The following CENPM variants were observed in gnomAD, a reference collection of about 807,000 sequenced individuals.
The protein encoded by CENPM is interphase centromere complex protein 39.
CENPM carries 14 observed loss-of-function variants against 19.6 expected under a neutral mutation model. The ratio of observed to expected loss-of-function variants is 0.71; its 90% CI spans 0.47 to 1.11. The LOEUF (loss-of-function observed/expected upper bound fraction) is 1.11, where lower values mean the gene tolerates loss of function less well. CENPM is among the 50% of genes most tolerant of loss of function. The probability of loss-of-function intolerance (pLI) is 0.00; values close to 1 mark genes in which losing one functional copy is unlikely to be tolerated. For missense variants in CENPM, 239 were observed against 228.4 expected, an observed-to-expected ratio of 1.05 and a Z score of -0.30; for synonymous variants, 114 against 101.5, an observed-to-expected ratio of 1.12 and a Z score of -0.74.
the CENPM span, among the ~76,000 whole-genome samples, chr22:41,932,267 A>G: frequency 6.6e-6 from 1 of 152,166 alleles, no homozygotes. The surrounding 1 kb of genome is among the most constrained non-coding windows in gnomAD (Gnocchi z 4.3). Context: ...AAACAAGTAC[A>G]ATGCTACAGA....
chr22:41,943,770 G>T, intron 4 of CENPM, 69 bp from the exon 5 acceptor site: 2 of 1,399,772 alleles, frequency 1.4e-6, no homozygotes, highest in Non-Finnish European at 2.0e-6. Context: ...GAAGTGCTGG[G>T]CAGAGTCACT....
intron 5 of CENPM, among the ~76,000 whole-genome samples, chr22:41,940,454 T>G (rs1227977374): frequency 6.6e-6 from 1 of 152,184 alleles, no homozygotes; most frequent in Non-Finnish European, 1.5e-5. Flanking sequence ...GGCACCATCT[T>G]GGCTCACTGC....
chr22:41,941,074 G>A (rs893201145), intron 5 of CENPM, among the ~76,000 whole-genome samples: 1 of 152,186 alleles, frequency 6.6e-6, no homozygotes, highest in Non-Finnish European at 1.5e-5. Context: ...GATTCTGAGA[G>A]GGCAGGGCCA....
At chr22:41,944,224 G>C in intron 4 of CENPM, 1 of 783,390 alleles carries the variant, frequency 1.3e-6, no homozygotes, top group African/African-American at 1.9e-5. Flanking sequence ...GATACCTGAG[G>C]TCAGGAGTTC....
intron 2 of CENPM, 153 bp from the exon 3 acceptor site, chr22:41,946,158 CACAGAGGCAGG>C (rs2077799216): frequency 5.5e-6 from 4 of 722,972 alleles, no homozygotes; most frequent in Non-Finnish European, 9.6e-6. Flanking sequence ...CTTGGGCCAG[CACAGAGGCAGG>C]ACAGGTCCGG....
chr22:41,935,472 C>T (rs536724850), downstream of CENPM, among the ~76,000 whole-genome samples: 1 of 152,242 alleles, frequency 6.6e-6, no homozygotes, highest in African/African-American at 2.4e-5. Context: ...ACAGAAGGGC[C>T]AAAGACAAGG....
At chr22:41,932,198 G>C in the CENPM span, among the ~76,000 whole-genome samples, 1 of 152,198 alleles carries the variant, frequency 6.6e-6, no homozygotes, top group Admixed American at 6.5e-5. The surrounding 1 kb of genome is among the most constrained non-coding windows in gnomAD (Gnocchi z 4.3). Context: ...TCATGACAGC[G>C]CCAGGACCAC....
downstream of CENPM, among the ~76,000 whole-genome samples, chr22:41,935,280 G>A (rs977765244): frequency 6.6e-6 from 1 of 152,080 alleles, no homozygotes; most frequent in Non-Finnish European, 1.5e-5. Flanking sequence ...ATGCGGGCAT[G>A]GGGGGGAGGG....
At chr22:41,927,498 GA>G in the CENPM span, among the ~76,000 whole-genome samples, 16 of 150,388 alleles carry the variant, frequency 1.1e-4, no homozygotes, top group Non-Finnish European at 2.1e-4. Flanking sequence ...GCTGGTTGGG[GA>G]TATCAGACAC....
At position 41,946,512 on chromosome 22, in the gene CENPM, G is replaced by C; in HGVS notation, c.58-16C>G. Reference sequence around the variant, plus strand: ...TGCCCACCAGCTGCGCAGGGAGAGAGAGCGGACAGTCGAGCCCTAGGCACA... The same window carrying C: ...TGCCCACCAGCTGCGCAGGGAGAGACAGCGGACAGTCGAGCCCTAGGCACA... On this transcript the variant is annotated splice_polypyrimidine_tract_variant and intron_variant, in intron 1 of 5. Coordinates refer to ENST00000215980, the MANE Select transcript of CENPM (RefSeq NM_024053.5). 1 of 1,611,482 alleles carries C rather than the reference G, an allele frequency of 6.2e-7. No individual in the cohort carries two copies. The highest frequency in any genetic ancestry group is 1.1e-5 in the South Asian group (1 of 90,904).
chr22:41,946,418 C>T lies in CENPM; in HGVS notation c.136G>A (p.Val46Ile), dbSNP rs1361031003. Reference protein sequence around the residue: ...LKEDCASELKVHLAKSLPLPS... With the variant: ...LKEDCASELKIHLAKSLPLPS... ...CAGGCCACAGCCGCGGCTACTTACA[C>T]CTTCAGCTCGGAGGCGCAGTCCTCT... Residue 46 changes from valine (V) to isoleucine (I), a missense_variant and splice_region_variant, in exon 2 of 6, where the codon GTC becomes ATC. Physicochemically the swap from Val to Ile is conservative, Grantham distance 29. Transcript: ENST00000215980. 5.0e-6 allele frequency: 8 copies of T among 1,612,870 alleles called. No homozygotes were observed. Among genetic ancestry groups the T allele is most frequent in the African/African-American group, 1.3e-5 (1 of 75,060 alleles).
At chr22:41,930,230 C>T in the CENPM span, among the ~76,000 whole-genome samples, 1 of 146,068 alleles carries the variant, frequency 6.8e-6, no homozygotes, top group East Asian at 2.1e-4. Context: ...CGTGAGCCAC[C>T]GCGTCCCTTT....
downstream of CENPM, among the ~76,000 whole-genome samples, chr22:41,934,228 G>C (rs2077674986): frequency 6.6e-6 from 1 of 152,176 alleles, no homozygotes; most frequent in East Asian, 1.9e-4. Context: ...TCCTTGGTAG[G>C]GATGGGAAAC....
chr22:41,940,947 C>A (rs1051390126), intron 5 of CENPM, among the ~76,000 whole-genome samples: 5 of 152,186 alleles, frequency 3.3e-5, no homozygotes, highest in African/African-American at 1.2e-4. Context: ...GGTCTGACCA[C>A]AATCATGACT....
At chr22:41,941,621 A>G (rs777726335) in intron 5 of CENPM, among the ~76,000 whole-genome samples, 7 of 152,246 alleles carry the variant, frequency 4.6e-5, no homozygotes, top group Non-Finnish European at 8.8e-5. Context: ...GCAGGCTAGG[A>G]CAGCAGAACA....
chr22:41,942,497 T>C (rs896029518), intron 5 of CENPM, among the ~76,000 whole-genome samples: 2 of 152,022 alleles, frequency 1.3e-5, no homozygotes, highest in Non-Finnish European at 2.9e-5. Flanking sequence ...ATGCCTGTAA[T>C]CCCAGCACTT....
At chr22:41,942,036 G>A (rs2077744317) in intron 5 of CENPM, among the ~76,000 whole-genome samples, 3 of 152,232 alleles carry the variant, frequency 2.0e-5, no homozygotes, top group Admixed American at 6.5e-5. Context: ...CTAGACAGTG[G>A]TGATGGATTG....
At position 41,945,932 on chromosome 22, in the gene CENPM, T is replaced by C. The variant is rs1423108183; in HGVS notation, c.211A>G (p.Asn71Asp). Residue 71 changes from asparagine (N) to aspartate (D), a missense_variant, in exon 3 of 6, where the codon AAT becomes GAT. Physicochemically the swap from Asn to Asp is conservative, Grantham distance 23. Coordinates refer to ENST00000215980, the MANE Select transcript of CENPM (RefSeq NM_024053.5). ...PRIDLIVFVV[N>D]LHSKYSLQNT... is the part of the protein sequence containing the mutation. ...TCTCACCTGTATTTGCTGTGAAGAT[T>C]AACCACAAACACGATCAGGTCAATT... The C allele has an allele frequency of 1.2e-6, 2 of 1,613,832 alleles. No individual in the cohort carries two copies. Among genetic ancestry groups the C allele is most frequent in the Admixed American group, 1.7e-5 (1 of 59,916 alleles).
the CENPM span, among the ~76,000 whole-genome samples, chr22:41,933,346 C>A: frequency 2.4e-5 from 3 of 126,172 alleles, no homozygotes; most frequent in African/African-American, 6.1e-5. Flanking sequence ...GTGCGGACAG[C>A]GGCAGGGAGA....
Sources: gnomAD v4.1 joint callset for allele counts (sites outside exome capture counted in the v4.1 genomes callset) on GRCh38, gnomAD v4.1.1 for gene constraint, Gnocchi (gnomAD v3.1) non-coding constraint, MANE v1.5 for transcripts, NCBI Gene and HGNC (gene_info 2026-07-23, HGNC 2026-07-21) for gene names.